Variants in EPDR1 observed in about 807,000 individuals in gnomAD.
EPDR1 encodes the protein ependymin related 1.
A neutral mutation model predicts 23.7 loss-of-function variants in EPDR1; 27 were observed. The ratio of observed to expected loss-of-function variants is 1.14; its 90% CI spans 0.84 to 1.57. EPDR1 has a LOEUF of 1.57. Among genes scored for constraint, EPDR1 ranks in the 40% most tolerant of loss-of-function variants. EPDR1 has a pLI of 0.00. For missense variants in EPDR1, 349 were observed against 290.4 expected (o/e 1.20, Z -1.47); for synonymous variants, 137 against 118.2 (o/e 1.16, Z -1.03).
chr7:37,947,349 T>G (rs1309247730), intron 1 of EPDR1, among the ~76,000 whole-genome samples: 1 of 152,182 alleles, frequency 6.6e-6, no homozygotes, highest in Non-Finnish European at 1.5e-5. Flanking sequence ...GGCTGTACCA[T>G]CCAGATTTGT....
chr7:37,946,504 A>G (rs1329045217), intron 1 of EPDR1, among the ~76,000 whole-genome samples: 1 of 151,826 alleles, frequency 6.6e-6, no homozygotes, highest in East Asian at 1.9e-4. Flanking sequence ...TTTTTTTCCT[A>G]TGTTTGTTGG....
intron 1 of EPDR1, among the ~76,000 whole-genome samples, chr7:37,924,934 A>G (rs2131999253): frequency 6.6e-6 from 1 of 152,280 alleles, no homozygotes; most frequent in Non-Finnish European, 1.5e-5. Context: ...TAAGATTTTC[A>G]TTTTGCATCC....
chr7:37,928,478 T>C (rs1383977757), intron 1 of EPDR1, among the ~76,000 whole-genome samples: 1 of 152,188 alleles, frequency 6.6e-6, no homozygotes, highest in African/African-American at 2.4e-5. Flanking sequence ...TCATGCTAAC[T>C]ACAATTTTTG....
At chr7:37,932,712 T>C (rs1471492231) in intron 1 of EPDR1, among the ~76,000 whole-genome samples, 3 of 152,200 alleles carry the variant, frequency 2.0e-5, no homozygotes, top group Non-Finnish European at 2.9e-5. Flanking sequence ...TAGAAGCCAC[T>C]GAGCACCATG....
At chr7:37,924,244 A>G (rs1399304352) in intron 1 of EPDR1, among the ~76,000 whole-genome samples, 1 of 152,234 alleles carries the variant, frequency 6.6e-6, no homozygotes. Context: ...ACATCTAATG[A>G]TTGCCTGCCC....
At chr7:37,921,229 G>T (rs767185617) in intron 1 of EPDR1, 21 bp downstream of exon 1, 1 of 1,572,322 alleles carries the variant, frequency 6.4e-7, no homozygotes, top group Admixed American at 1.8e-5. Flanking sequence ...TCGGCCCGCG[G>T]GGCGGGAGTA....
At chr7:37,944,462 A>T (rs1278927230) in intron 1 of EPDR1, among the ~76,000 whole-genome samples, 1 of 152,166 alleles carries the variant, frequency 6.6e-6, no homozygotes, top group Admixed American at 6.5e-5. Context: ...GGCTAGGAGG[A>T]CTGTATTAGT....
chr7:37,943,247 G>A (rs747415549), intron 1 of EPDR1, among the ~76,000 whole-genome samples: 2 of 152,208 alleles, frequency 1.3e-5, no homozygotes, highest in African/African-American at 4.8e-5. Flanking sequence ...GTGCCCCAGC[G>A]GGGGCGTTGG....
chr7:37,950,520 C>CATTGATGTGGGGT lies in EPDR1; in HGVS notation c.*125_*137dup. On this transcript the variant is annotated 3_prime_UTR_variant, in exon 3 of 3. Coordinates refer to ENST00000199448, the MANE Select transcript of EPDR1 (RefSeq NM_017549.5). ...AGAAATATAATTTTAGGAAGATGCA[C>CATTGATGTGGGGT]ATTGATGTGGGGTTTTGATGTGTCT... 1.1e-6 allele frequency: 1 copy of CATTGATGTGGGGT among 939,468 alleles called. No homozygotes were observed. The highest frequency in any genetic ancestry group is 1.8e-5 in the South Asian group (1 of 54,200). 58.2% of individuals were successfully genotyped at this position (939,468 alleles called of 1,614,324 possible).
At chr7:37,927,200 C>A (rs146526496) in intron 1 of EPDR1, among the ~76,000 whole-genome samples, 20 of 152,154 alleles carry the variant, frequency 1.3e-4, no homozygotes, top group African/African-American at 4.8e-4. Context: ...CTACCAGGTC[C>A]TCTCAATGGA....
At position 37,950,462 on chromosome 7, in the gene EPDR1, T is replaced by C; in HGVS notation, c.*66T>C. Reference sequence around the variant, plus strand: ...CTGCGGCCCCAGCTGGAGATGGATATGAGACTAGTCAAGATGTGAATGCTA... The same window carrying C: ...CTGCGGCCCCAGCTGGAGATGGATACGAGACTAGTCAAGATGTGAATGCTA... On this transcript the variant is annotated 3_prime_UTR_variant, in exon 3 of 3. Transcript: ENST00000199448. 7.2e-7 allele frequency: 1 copy of C among 1,380,454 alleles called. No individual in the cohort carries two copies. Among genetic ancestry groups the C allele is most frequent in the Non-Finnish European group, 9.9e-7 (1 of 1,013,892 alleles). 85.5% of individuals were successfully genotyped at this position (1,380,454 alleles called of 1,614,324 possible). A position where few individuals can be genotyped will look rare whatever the true frequency, so the allele number is the denominator to read the frequency against.
In EPDR1 at chr7:37,951,494, G is replaced by A. The variant is rs757109434; in HGVS notation, c.*1098G>A. 3 of 152,246 alleles carry A rather than the reference G, an allele frequency of 2.0e-5. No individual in the cohort carries two copies. Among genetic ancestry groups the A allele is most frequent in the Non-Finnish European group, 4.4e-5 (3 of 68,046 alleles). The allele number at this position is 152,246 out of a possible 1,614,324, so 9.4% of individuals were successfully genotyped here. A position where few individuals can be genotyped will look rare whatever the true frequency, so the allele number is the denominator to read the frequency against. ...GACACTCATCCATTATCTTGGCTGTGAGCTCCTTGGGTACGGGTACCTTGT... is the reference window on the plus strand; with the variant it reads ...GACACTCATCCATTATCTTGGCTGTAAGCTCCTTGGGTACGGGTACCTTGT... On this transcript the variant is annotated 3_prime_UTR_variant, in exon 3 of 3. Transcript: ENST00000199448.
rs746531743 is a variant in EPDR1 at position 37,921,029 on chromosome 7, G to A, written c.90G>A (p.Leu30=). The change falls in exon 1 of 3, where the codon CTG becomes CTA. Residue 30 remains leucine (L), a synonymous_variant. Coordinates refer to ENST00000199448, the MANE Select transcript of EPDR1 (RefSeq NM_017549.5). ...GGLWAWTLCG[L]CSLGAVGAPR... ...TCTGGGCCTGGACCCTGTGCGGCCTGTGCAGCCTGGGGGCGGTGGGAGCCC... is the reference window on the plus strand; with the variant it reads ...TCTGGGCCTGGACCCTGTGCGGCCTATGCAGCCTGGGGGCGGTGGGAGCCC... 1.3e-6 allele frequency: 2 copies of A among 1,527,924 alleles called. No individual in the cohort carries two copies. The highest frequency in any genetic ancestry group is 4.8e-5 in the East Asian group (2 of 41,332). 94.6% of individuals were successfully genotyped at this position (1,527,924 alleles called of 1,614,324 possible).
rs1201024027 is a variant in EPDR1, at chr7:37,921,099, A to C, written c.160A>C (p.Met54Leu). Reference sequence around the variant, plus strand: ...GCAGCAGTGGGAGGGGCGCCAGGTTATGTACCAGCAAAGTAGCGGGCGCAA... The same window carrying C: ...GCAGCAGTGGGAGGGGCGCCAGGTTCTGTACCAGCAAAGTAGCGGGCGCAA... ...APQQWEGRQV[M>L]YQQSSGRNSR... The change falls in exon 1 of 3, where the codon ATG becomes CTG. Residue 54 changes from methionine to leucine, a missense_variant. Physicochemically the swap from Met to Leu is conservative, Grantham distance 15 (BLOSUM62 2). Coordinates refer to ENST00000199448, the MANE Select transcript of EPDR1 (RefSeq NM_017549.5). 1.3e-6 allele frequency: 2 copies of C among 1,590,922 alleles called. No individual in the cohort carries two copies. Among genetic ancestry groups the C allele is most frequent in the African/African-American group, 2.7e-5 (2 of 73,854 alleles).
At chr7:37,927,308 G>A (rs1443571092) in intron 1 of EPDR1, among the ~76,000 whole-genome samples, 1 of 152,076 alleles carries the variant, frequency 6.6e-6, no homozygotes, top group Non-Finnish European at 1.5e-5. Context: ...TGAACCTCCA[G>A]TTCTAATCCA....
At chr7:37,929,760 G>A (rs78781702) in intron 1 of EPDR1, among the ~76,000 whole-genome samples, 3,307 of 152,106 alleles carry the variant, frequency 0.022, 83 homozygotes, top group East Asian at 0.089. Flanking sequence ...TGAAGTGGAG[G>A]GCACACCACC....
intron 1 of EPDR1, among the ~76,000 whole-genome samples, chr7:37,929,632 A>G (rs890471763): frequency 1.3e-5 from 2 of 152,056 alleles, no homozygotes; most frequent in African/African-American, 4.8e-5. Context: ...AAAATGATAG[A>G]TTTATGTAAT....
rs1786337402 is a variant in EPDR1 at position 37,948,928 on chromosome 7, C to G, written c.358C>G (p.Gln120Glu). Residue 120 changes from glutamine (Q) to glutamate (E), a missense_variant, in exon 2 of 3, where the codon CAG becomes GAG. By Grantham distance (29) the Gln-to-Glu change is conservative (BLOSUM62 2). Coordinates refer to ENST00000199448, the MANE Select transcript of EPDR1 (RefSeq NM_017549.5). ...GCAGTGCTCAAAGATGACCCTGACA[C>G]AGCCCTGGGATCCTCTTGACATTCC... The part of the protein sequence containing the change: ...TKQCSKMTLT[Q>E]PWDPLDIPQN... 1 of 1,614,158 alleles carries G rather than the reference C, an allele frequency of 6.2e-7. No homozygotes were observed. Among genetic ancestry groups the G allele is most frequent in the African/African-American group, 1.3e-5 (1 of 75,018 alleles).
At chr7:37,939,083 A>G (rs1016978373) in intron 1 of EPDR1, among the ~76,000 whole-genome samples, 6 of 151,162 alleles carry the variant, frequency 4.0e-5, no homozygotes, top group Admixed American at 1.3e-4. Context: ...AGTTCACACC[A>G]TTCTCCTGCC....
Sources: gnomAD v4.1 joint callset for allele counts (sites outside exome capture counted in the v4.1 genomes callset) on GRCh38, gnomAD v4.1.1 for gene constraint, MANE v1.5 for transcripts, NCBI Gene and HGNC (gene_info 2026-07-23, HGNC 2026-07-21) for gene names.